ZNF469: variants seen among roughly 807,000 people sequenced by gnomAD.
ZNF469 encodes zinc finger protein 469.
In ZNF469, 1 loss-of-function variant was observed where a neutral mutation model predicts 1.0. The observed-to-expected ratio is 1.00, with a 90% confidence interval of 0.35 to 4.73. ZNF469 has a LOEUF of 4.73. ZNF469 is among the 30% of genes most tolerant of loss of function. ZNF469 has a pLI of 0.16. For synonymous variants in ZNF469, 2,703 were observed against 2,363.4 expected (o/e 1.14, Z -4.17); for missense variants, 6,100 against 5,356.3 (o/e 1.14, Z -4.33).
chr16:88,347,445 C>T, the ZNF469 span, among the ~76,000 whole-genome samples: 2 of 152,132 alleles, frequency 1.3e-5, no homozygotes, highest in South Asian at 2.1e-4. Flanking sequence ...CGTAGACACC[C>T]GGAGGAGACA....
the ZNF469 span, among the ~76,000 whole-genome samples, chr16:88,345,702 C>T: frequency 6.6e-6 from 1 of 152,222 alleles, no homozygotes; most frequent in South Asian, 2.1e-4. Context: ...TTTCCAAAGC[C>T]TTGCCTGCTT....
chr16:88,229,638 T>TGTGTGGATGTAACGC, the ZNF469 span, among the ~76,000 whole-genome samples: 35 of 133,164 alleles, frequency 2.6e-4, no homozygotes, highest in African/African-American at 9.5e-4. Context: ...GGATGTCACG[T>TGTGTGGATGTAACGC]GTGTGTGCTG....
chr16:88,395,756 C>T (rs2142268448), intron 1 of ZNF469, among the ~76,000 whole-genome samples: 1 of 152,358 alleles, frequency 6.6e-6, no homozygotes, highest in Non-Finnish European at 1.5e-5. Context: ...CTGATCTTCA[C>T]TCTATGCTGG....
chr16:88,338,162 G>GGGGAGAGACCCTCCGGCGCCT, the ZNF469 span, among the ~76,000 whole-genome samples: 385 of 144,016 alleles, frequency 2.7e-3, 2 homozygotes, highest in African/African-American at 0.01. Context: ...CTCCAGCGCT[G>GGGGAGAGACCCTCCGGCGCCT]CCAATCGCCT....
rs1474165927 is a variant in ZNF469, at chr16:88,424,823, C to A, written c.-175C>A. The stretch of plus-strand genomic sequence containing the variant: ...TCTTTGCAGCCAAGAAATTCTCATT[C>A]CTCAGGAAGTTGTGCGGCGACCCAG... On this transcript the variant is annotated 5_prime_UTR_variant, in exon 2 of 3. Transcript: ENST00000565624. This position sits in a 1 kb window ranked among gnomAD's most constrained non-coding sequence, Gnocchi z 4.3. Among the ~76,000 whole-genome samples, 1 of 152,206 alleles carries A rather than the reference C, an allele frequency of 6.6e-6. No homozygotes were observed. Among genetic ancestry groups the A allele is most frequent in the Non-Finnish European group, 1.5e-5 (1 of 68,032 alleles).
chr16:88,234,011 G>A, the ZNF469 span, among the ~76,000 whole-genome samples: 2 of 152,208 alleles, frequency 1.3e-5, no homozygotes, highest in Admixed American at 6.5e-5. Context: ...TTTTTTAAAC[G>A]ATGAAATTAT....
chr16:88,346,309 C>T, the ZNF469 span, among the ~76,000 whole-genome samples: 1 of 152,174 alleles, frequency 6.6e-6, no homozygotes, highest in Non-Finnish European at 1.5e-5. Context: ...CGAGGCCCTG[C>T]GAGTGTGCTG....
At chr16:88,223,736 C>T in the ZNF469 span, among the ~76,000 whole-genome samples, 2 of 152,218 alleles carry the variant, frequency 1.3e-5, no homozygotes, top group Non-Finnish European at 2.9e-5. Flanking sequence ...AGCAGCTTTC[C>T]GCTGCCTCTC....
chr16:88,229,554 AC>A, the ZNF469 span, among the ~76,000 whole-genome samples: 1 of 135,872 alleles, frequency 7.4e-6, no homozygotes, highest in Admixed American at 7.1e-5. Flanking sequence ...TGGATGTCAC[AC>A]GTGTGGATGT....
the ZNF469 span, among the ~76,000 whole-genome samples, chr16:88,284,637 G>C: frequency 1.3e-5 from 2 of 149,814 alleles, no homozygotes; most frequent in Non-Finnish European, 3.0e-5. Context: ...AAAAGAACAG[G>C]CTCCTGTAAA....
chr16:88,301,961 CA>C, the ZNF469 span, among the ~76,000 whole-genome samples: 1 of 152,206 alleles, frequency 6.6e-6, no homozygotes, highest in African/African-American at 2.4e-5. Flanking sequence ...ATCCTTGTTA[CA>C]TATACATTGT....
the ZNF469 span, among the ~76,000 whole-genome samples, chr16:88,309,054 C>T: frequency 2.0e-5 from 3 of 152,206 alleles, no homozygotes; most frequent in African/African-American, 7.2e-5. Context: ...CCCAGACCCA[C>T]GTCCCGACTG....
Position 88,434,424 on chromosome 16 carries a change from C to T in ZNF469, c.6954C>T (p.Asn2318=). Residue 2318 remains asparagine, a synonymous_variant, in exon 3 of 3, where the codon AAC becomes AAT. Coordinates refer to ENST00000565624, the MANE Select transcript of ZNF469 (RefSeq NM_001367624.2). ...GCAGGGGAGCCCCGCCCCACACCAA[C>T]CCTGACAGGATGCCCAGGGGCCACT... is the stretch of plus-strand genomic sequence containing the variant. ...PQSRGAPPHT[N]PDRMPRGHSS... 1 of 1,549,778 alleles carries T rather than the reference C, an allele frequency of 6.5e-7. No homozygotes were observed. Among genetic ancestry groups the T allele is most frequent in the South Asian group, 1.2e-5 (1 of 84,056 alleles).
chr16:88,313,403 C>T, the ZNF469 span, among the ~76,000 whole-genome samples: 2 of 152,228 alleles, frequency 1.3e-5, no homozygotes, highest in Non-Finnish European at 2.9e-5. Flanking sequence ...CCAATTGCAT[C>T]CGCCCATCCC....
Position 88,428,156 on chromosome 16 carries a change from C to T in ZNF469, c.686C>T (p.Ala229Val). The T allele has an allele frequency of 1.3e-6, 2 of 1,550,224 alleles. No individual in the cohort carries two copies. Among genetic ancestry groups the T allele is most frequent in the Non-Finnish European group, 1.7e-6 (2 of 1,146,898 alleles). The change falls in exon 3 of 3, where the codon GCC (alanine) becomes GTC (valine). Residue 229 changes from alanine to valine, a missense_variant. Coordinates refer to ENST00000565624, the MANE Select transcript of ZNF469 (RefSeq NM_001367624.2). ...LQPGSYPEYQ[A>V]SGADSWPPAA... The stretch of plus-strand genomic sequence containing the variant: ...CCCGGTTCCTATCCCGAATACCAGG[C>T]CAGTGGGGCCGACTCCTGGCCTCCC...
At chr16:88,302,372 G>C in the ZNF469 span, 1 of 152,212 alleles carries the variant, frequency 6.6e-6, no homozygotes, top group African/African-American at 2.4e-5. Flanking sequence ...TTTTTTAAGA[G>C]TGGATATATT....
chr16:88,387,923 A>G (rs1904381027), intron 1 of ZNF469, among the ~76,000 whole-genome samples: 2 of 152,234 alleles, frequency 1.3e-5, no homozygotes, highest in Non-Finnish European at 2.9e-5. Flanking sequence ...TCAAGTGGAA[A>G]GAACACAGGC....
At chr16:88,274,115 A>T in the ZNF469 span, among the ~76,000 whole-genome samples, 1 of 152,174 alleles carries the variant, frequency 6.6e-6, no homozygotes, top group Non-Finnish European at 1.5e-5. Flanking sequence ...AATATTTTTT[A>T]TTCAGCCTTA....
Position 88,424,102 on chromosome 16 carries a change from T to C in ZNF469, c.-191-705T>C, listed in dbSNP as rs1012242735. ...GCGTTTGGAGCACAGGCTGTCGCCA[T>C]GTGGTGACCATTGCTGTATTGTTTC... On this transcript the variant is annotated intron_variant, in intron 1 of 2. Coordinates refer to ENST00000565624, the MANE Select transcript of ZNF469 (RefSeq NM_001367624.2). The surrounding 1 kb of genome is among the most constrained non-coding windows in gnomAD (Gnocchi z 4.3). 5.9e-5 allele frequency among the ~76,000 whole-genome samples: 9 copies of C among 152,258 alleles called. No individual in the cohort carries two copies. Among genetic ancestry groups the C allele is most frequent in the Admixed American group, 2.0e-4 (3 of 15,290 alleles).
Sources: allele counts gnomAD v4.1 joint callset (sites outside exome capture counted in the v4.1 genomes callset), GRCh38; gene constraint gnomAD v4.1.1; non-coding constraint Gnocchi (gnomAD v3.1); transcripts MANE v1.5; gene names NCBI Gene and HGNC (gene_info 2026-07-23, HGNC 2026-07-21).